The following TOP1MT variants were observed in gnomAD, a reference collection of about 807,000 sequenced individuals.
TOP1MT encodes the protein DNA topoisomerase I, mitochondrial.
TOP1MT carries 80 observed loss-of-function variants against 73.9 expected under a neutral mutation model. The ratio of observed to expected loss-of-function variants is 1.08; its 90% CI spans 0.90 to 1.30. The LOEUF is 1.30. TOP1MT is among the 50% of genes most tolerant of loss of function. TOP1MT has a pLI of 0.00. For missense variants in TOP1MT, 815 were observed against 808.0 expected, an observed-to-expected ratio of 1.01 and a Z score of -0.10; for synonymous variants, 338 against 326.4, an observed-to-expected ratio of 1.04 and a Z score of -0.38.
chr8:143,338,666 T>A (rs1413379274), upstream of TOP1MT, among the ~76,000 whole-genome samples: 2 of 152,200 alleles, frequency 1.3e-5, no homozygotes, highest in African/African-American at 4.8e-5. Context: ...TGTAAAAAGA[T>A]GCTCAAAATC....
rs1237115043 is a variant in TOP1MT, at chr8:143,341,843, C to T, written c.29+1377G>A. 6.7e-6 allele frequency among the ~76,000 whole-genome samples: 1 copy of T among 149,108 alleles called. No homozygotes were observed. Among genetic ancestry groups the T allele is most frequent in the Non-Finnish European group, 1.5e-5 (1 of 67,830 alleles). ...TTCTTCCTTCTTCTTCCTCTTCTTC[C>T]TCCTCCTCCTCCTTCCTCTTTCTCC... is the stretch of plus-strand genomic sequence containing the variant. On this transcript the variant is annotated intron_variant, in intron 2 of 5. Transcript: ENST00000518007. This position sits in a 1 kb window ranked among gnomAD's most constrained non-coding sequence, Gnocchi z 4.1.
At chr8:143,330,943 AGGG>A (rs1816835932) in intron 2 of TOP1MT, among the ~76,000 whole-genome samples, 2 of 45,280 alleles carry the variant, frequency 4.4e-5, no homozygotes, top group East Asian at 1.6e-3. Flanking sequence ...GTGCGGGGGG[AGGG>A]AGGGGGGGTC....
rs1288962461 is a variant in TOP1MT at position 143,344,631 on chromosome 8, C to CT, written c.-39+284dup. ...CACCATTCCCCAGCTACAGGGACAG[C>CT]TGATGGTCACACAGACCCCACAGCG... is the stretch of plus-strand genomic sequence containing the variant. On this transcript the variant is annotated intron_variant, in intron 1 of 5. Coordinates refer to the TOP1MT transcript ENST00000518007. This position sits in a 1 kb window ranked among gnomAD's most constrained non-coding sequence, Gnocchi z 4.6. 2 of 152,714 alleles carry CT rather than the reference C, an allele frequency of 1.3e-5. No individual in the cohort carries two copies. The highest frequency in any genetic ancestry group is 2.4e-5 in the African/African-American group (1 of 41,454). The allele number at this position is 152,714 out of a possible 1,614,324, so 9.5% of individuals were successfully genotyped here.
intron 7 of TOP1MT, among the ~76,000 whole-genome samples, chr8:143,321,952 C>CGCACGCCACACAT (rs1816423426): frequency 8.0e-6 from 1 of 125,704 alleles, no homozygotes; most frequent in Non-Finnish European, 1.6e-5. Context: ...ACGCCACACA[C>CGCACGCCACACAT]GCACGCCACA....
chr8:143,319,745 C>A (rs768778368), intron 8 of TOP1MT, among the ~76,000 whole-genome samples: 1 of 151,972 alleles, frequency 6.6e-6, no homozygotes, highest in Admixed American at 6.6e-5. Flanking sequence ...GGAAAGAGGG[C>A]AGCCCCTCCC....
At position 143,310,090 on chromosome 8, in the gene TOP1MT, C is replaced by G. The variant is rs1815966450; in HGVS notation, c.1681G>C (p.Asp561His). Residue 561 changes from aspartate (D) to histidine (H), a missense_variant, in exon 13 of 14, where the codon GAC becomes CAC. This residue lies in a region of TOP1MT where 751 missense variants were observed against 725.4 expected (regional missense o/e 1.04). Coordinates refer to ENST00000329245, the MANE Select transcript of TOP1MT (RefSeq NM_052963.3). Reference protein sequence around the residue: ...ALGTSKLNYLDPRISIAWCKR... With the variant: ...ALGTSKLNYLHPRISIAWCKR... ...CACCAGGCAATGCTGATCCTGGGGT[C>G]CAGGTAGTTGAGCTTGGACGTGCCC... The G allele has an allele frequency of 3.7e-6, 6 of 1,613,184 alleles. No individual in the cohort carries two copies. The highest frequency in any genetic ancestry group is 2.7e-5 in the African/African-American group (2 of 74,938).
rs761671337 is a variant in TOP1MT at position 143,324,625 on chromosome 8, AGT to A, written c.674_675del (p.Asp225ValfsTer19). On this transcript the variant is annotated frameshift_variant and splice_region_variant, in exon 6 of 14. Transcript: ENST00000329245. LOFTEE classifies it high-confidence loss of function. ...PEDVVINCSR[D>X]SKIPEPPAGH... ...CCCGCCGGCGGCTCGGGGATCTTCG[AGT>A]CCCTGCAGCAGAACAACGACCCAAA... is the stretch of plus-strand genomic sequence containing the variant. The A allele has an allele frequency of 6.2e-7, 1 of 1,612,770 alleles. No homozygotes were observed. The highest frequency in any genetic ancestry group is 8.5e-7 in the Non-Finnish European group (1 of 1,179,714).
At chr8:143,352,235 TCAAA>T (rs1427907819) in intron 1 of TOP1MT, among the ~76,000 whole-genome samples, 1 of 152,104 alleles carries the variant, frequency 6.6e-6, no homozygotes, top group Admixed American at 6.5e-5. Flanking sequence ...TGACCCAGGG[TCAAA>T]CAGTCTTTTA....
chr8:143,333,172 C>T lies in TOP1MT; in HGVS notation c.122+1568G>A, dbSNP rs542636962. The stretch of plus-strand genomic sequence containing the variant: ...TCGGAACTAACTGATAGGAGCCAGG[C>T]GCGGTGACTCACGCCTGTAATACCA... On this transcript the variant is annotated intron_variant, in intron 1 of 13. Transcript: ENST00000329245. Among the ~76,000 whole-genome samples the T allele has an allele frequency of 4.6e-5, 7 of 152,124 alleles. No homozygotes were observed. In the South Asian group the frequency reaches 6.2e-4, roughly 14 times the overall value.
intron 7 of TOP1MT, among the ~76,000 whole-genome samples, chr8:143,322,853 AAC>A (rs368057512): frequency 0.017 from 257 of 15,112 alleles, 56 homozygotes; most frequent in East Asian, 0.028. Context: ...ACACGCACGC[AAC>A]ACACACGCAC....
chr8:143,343,574 A>G (rs1817169412), intron 1 of TOP1MT: 1 of 265,544 alleles, frequency 3.8e-6, no homozygotes, highest in Non-Finnish European at 7.6e-6. Context: ...GTGGGCAGGC[A>G]GTAAAAGGCA....
chr8:143,324,204 T>G, intron 6 of TOP1MT, 62 bp from the exon 7 acceptor site: 1 of 1,591,716 alleles, frequency 6.3e-7, no homozygotes, highest in Non-Finnish European at 8.6e-7. Flanking sequence ...CGGAGGAGGC[T>G]GTCAACTCTC....
At chr8:143,315,282 T>C (rs1816125641) in intron 12 of TOP1MT, among the ~76,000 whole-genome samples, 1 of 152,356 alleles carries the variant, frequency 6.6e-6, no homozygotes, top group South Asian at 2.1e-4. Context: ...CACCTGGCTC[T>C]GCCTTCTAGA....
In TOP1MT at chr8:143,317,753, G is replaced by A. The variant is rs201357579; in HGVS notation, c.1300C>T (p.Leu434=). The A allele has an allele frequency of 5.6e-5, 91 of 1,613,942 alleles. 1 individual carries two copies. Among genetic ancestry groups the A allele is most frequent in the South Asian group, 2.2e-4 (20 of 91,092 alleles). ...GTCAGGGCCCGCAGCTGCTCCTGCA[G>A]AGTGATGGAGGCGTTGTAGGTCCGG... ...VFRTYNASIT[L]QEQLRALTRA... Residue 434 remains leucine (L), a synonymous_variant, in exon 10 of 14, where the codon CTG becomes TTG. Transcript: ENST00000329245.
chr8:143,338,161 A>G (rs901304566), upstream of TOP1MT, among the ~76,000 whole-genome samples: 7 of 152,084 alleles, frequency 4.6e-5, no homozygotes, highest in African/African-American at 1.4e-4. Flanking sequence ...AGTCCTAGCT[A>G]CTCAGGGGGC....
At chr8:143,328,826 C>T (rs1400585833) in intron 3 of TOP1MT, among the ~76,000 whole-genome samples, 1 of 152,190 alleles carries the variant, frequency 6.6e-6, no homozygotes, top group Non-Finnish European at 1.5e-5. Flanking sequence ...GTGGGGCAGA[C>T]AGAAACCCCG....
intron 1 of TOP1MT, among the ~76,000 whole-genome samples, chr8:143,353,525 G>A (rs1817354733): frequency 6.6e-6 from 1 of 152,074 alleles, no homozygotes. Context: ...AATCACTAGG[G>A]AAATGCAAAT....
intron 1 of TOP1MT, among the ~76,000 whole-genome samples, chr8:143,355,797 A>T (rs1233963065): frequency 6.6e-6 from 1 of 152,180 alleles, no homozygotes; most frequent in Non-Finnish European, 1.5e-5. Flanking sequence ...ACTCCGCTCA[A>T]GCGGAAACAA....
At chr8:143,324,458 A>C (rs1816649109) in intron 6 of TOP1MT, 27 bp downstream of exon 6, 2 of 1,613,384 alleles carry the variant, frequency 1.2e-6, no homozygotes, top group African/African-American at 1.3e-5. Context: ...CCTGGGGAGG[A>C]AACACCCTGC....
Sources: gnomAD v4.1 joint callset for allele counts (sites outside exome capture counted in the v4.1 genomes callset) on GRCh38, gnomAD v4.1.1 for gene constraint, gnomAD v4.1.1 regional missense constraint, Gnocchi (gnomAD v3.1) non-coding constraint, MANE v1.5 for transcripts, NCBI Gene and HGNC (gene_info 2026-07-23, HGNC 2026-07-21) for gene names.